TRIM15: variants seen among roughly 807,000 people sequenced by gnomAD.
TRIM15 encodes E3 ubiquitin-protein ligase TRIM15.
Under a neutral mutation model 35.8 loss-of-function variants are expected in TRIM15, and 35 were observed. That is an observed-to-expected ratio of 0.98 (90% CI 0.75 to 1.30). The LOEUF is 1.30. Ranked by LOEUF, TRIM15 falls within the 50% of genes most tolerant of loss-of-function variation. The probability of loss-of-function intolerance (pLI) is 0.00; values close to 1 mark genes in which losing one functional copy is unlikely to be tolerated. For missense variants in TRIM15, 590 were observed against 593.5 expected (o/e 0.99, Z 0.06); for synonymous variants, 252 against 249.8 (o/e 1.01, Z -0.08).
intron 5 of TRIM15, 57 bp from the exon 6 acceptor site, chr6:30,170,919 G>A (rs1379469969): frequency 3.0e-5 from 47 of 1,579,908 alleles, no homozygotes; most frequent in Non-Finnish European, 3.9e-5. Flanking sequence ...TGCCCCTGGG[G>A]GTGCCTATAA....
rs1774054954 is a variant in TRIM15 at position 30,171,986 on chromosome 6, C to T, written c.1035C>T (p.Ser345=). 1.3e-6 allele frequency: 2 copies of T among 1,584,010 alleles called. No individual in the cohort carries two copies. The highest frequency in any genetic ancestry group is 1.8e-5 in the Admixed American group (1 of 56,338). The part of the protein sequence containing the change: ...LPAVLGFPGF[S]SGRHRWQVDL... ...CGGTTCTGGGCTTCCCGGGCTTCTCCTCCGGGCGCCACCGCTGGCAGGTTG... is the reference window on the plus strand; with the variant it reads ...CGGTTCTGGGCTTCCCGGGCTTCTCTTCCGGGCGCCACCGCTGGCAGGTTG... The change falls in exon 7 of 7, where the codon TCC becomes TCT. Residue 345 remains serine, a synonymous_variant. Transcript: ENST00000376694.
chr6:30,164,237 G>A (rs1438279309), intron 1 of TRIM15, among the ~76,000 whole-genome samples, 172 bp downstream of exon 1: 1 of 152,196 alleles, frequency 6.6e-6, no homozygotes, highest in Non-Finnish European at 1.5e-5. Flanking sequence ...CCACTTGGAT[G>A]TGTGGTAGTT....
Position 30,172,370 on chromosome 6 carries a change from G to A in TRIM15, c.*21G>A. On this transcript the variant is annotated 3_prime_UTR_variant, in exon 7 of 7. Transcript: ENST00000376694. The stretch of plus-strand genomic sequence containing the variant: ...GCTGAAGTGGGGCGCGCGAAGGGCG[G>A]CGAAGCGGAGACGGCGGCTCTCCGG... The A allele has an allele frequency of 6.4e-7, 1 of 1,573,350 alleles. No homozygotes were observed.
In TRIM15 at chr6:30,163,732, T is replaced by C. The variant is rs759362056; in HGVS notation, c.48T>C (p.Cys16=). 13 of 1,612,820 alleles carry C rather than the reference T, an allele frequency of 8.1e-6. No individual in the cohort carries two copies. The African/African-American group carries it at 9.3e-5, about 12-fold the overall frequency. The change falls in exon 1 of 7, where the codon TGT becomes TGC. Residue 16 remains cysteine, a synonymous_variant. Coordinates refer to ENST00000376694, the MANE Select transcript of TRIM15 (RefSeq NM_033229.3). ...AGGTGGTCCATGAGCTGCCTGCCTG[T>C]ACCCTCTGTGCGGGGCCGCTGGAGG... ...SLKVVHELPA[C]TLCAGPLEDA...
At chr6:30,167,033 G>T in intron 1 of TRIM15, 143 bp from the exon 2 acceptor site, 1 of 630,142 alleles carries the variant, frequency 1.6e-6, no homozygotes. Flanking sequence ...TCCTGAGATG[G>T]TGGTCTCTTT....
intron 3 of TRIM15, 92 bp downstream of exon 3, chr6:30,168,622 A>G (rs1156515917): frequency 1.6e-6 from 2 of 1,230,336 alleles, no homozygotes; most frequent in Non-Finnish European, 2.3e-6. Flanking sequence ...GAGGCAGGAA[A>G]GGGAAGTGGA....
chr6:30,168,549 C>G lies in TRIM15; in HGVS notation c.708+19C>G. 6.4e-7 allele frequency: 1 copy of G among 1,562,332 alleles called. No homozygotes were observed. The highest frequency in any genetic ancestry group is 8.7e-7 in the Non-Finnish European group (1 of 1,151,534). ...TCTACAAGTGAGAGACACTTCACCA[C>G]TTTGTAGGATAAGAGAGGGACTCCA... is the stretch of plus-strand genomic sequence containing the variant. On this transcript the variant is annotated intron_variant, in intron 3 of 6. Transcript: ENST00000376694.
chr6:30,168,630 G>C lies in TRIM15; in HGVS notation c.708+100G>C, dbSNP rs112242861. 412 of 1,161,924 alleles carry C rather than the reference G, an allele frequency of 3.5e-4. No homozygotes were observed. The African/African-American group carries it at 3.9e-3, about 11-fold the overall frequency. 72.0% of individuals were successfully genotyped at this position (1,161,924 alleles called of 1,614,324 possible). A position where few individuals can be genotyped will look rare whatever the true frequency, so the allele number is the denominator to read the frequency against. ...CTGGAGAGAGGCAGGAAAGGGAAGT[G>C]GAGAGAGGTTAACGGGGTGCAGATC... On this transcript the variant is annotated intron_variant, in intron 3 of 6. Coordinates refer to ENST00000376694, the MANE Select transcript of TRIM15 (RefSeq NM_033229.3).
In TRIM15 at chr6:30,172,091, C is replaced by G; in HGVS notation, c.1140C>G (p.Leu380=). The G allele has an allele frequency of 6.3e-7, 1 of 1,576,754 alleles. No homozygotes were observed. The highest frequency in any genetic ancestry group is 8.6e-7 in the Non-Finnish European group (1 of 1,161,698). ...TGAGGAGGAAGGGAGAGATGGGACTCAGCGCCGAGGACGGCGTCTGGGCCG... is the reference window on the plus strand; with the variant it reads ...TGAGGAGGAAGGGAGAGATGGGACTGAGCGCCGAGGACGGCGTCTGGGCCG... ...EGVRRKGEMG[L]SAEDGVWAVI... The change falls in exon 7 of 7, where the codon CTC becomes CTG. Residue 380 remains leucine, a synonymous_variant. Coordinates refer to ENST00000376694, the MANE Select transcript of TRIM15 (RefSeq NM_033229.3).
In TRIM15 at chr6:30,172,478, C is replaced by A; in HGVS notation, c.*129C>A. On this transcript the variant is annotated 3_prime_UTR_variant, in exon 7 of 7. Coordinates refer to ENST00000376694, the MANE Select transcript of TRIM15 (RefSeq NM_033229.3). The stretch of plus-strand genomic sequence containing the variant: ...GCGAGAGAACAGGGGACTTGAGTCT[C>A]GAACAGCGGTTGTTTTTACTTTATT... The A allele has an allele frequency of 7.4e-7, 1 of 1,349,454 alleles. No homozygotes were observed. The highest frequency in any genetic ancestry group is 1.0e-6 in the Non-Finnish European group (1 of 985,654). 83.6% of individuals were successfully genotyped at this position (1,349,454 alleles called of 1,614,324 possible).
Position 30,163,836 on chromosome 6 carries a change from C to T in TRIM15, c.152C>T (p.Ser51Leu), listed in dbSNP as rs939685910. ...PALSQMGAQS[S>L]GKILLCPLCQ... ...CTCTCCCAGATGGGGGCCCAATCCT[C>T]GGGCAAGATCCTGCTCTGCCCGCTC... The change falls in exon 1 of 7, where the codon TCG (serine) becomes TTG (leucine). Residue 51 changes from serine to leucine, a missense_variant. Physicochemically the swap from Ser to Leu is moderately radical, Grantham distance 145. Coordinates refer to ENST00000376694, the MANE Select transcript of TRIM15 (RefSeq NM_033229.3). 6.2e-6 allele frequency: 10 copies of T among 1,613,048 alleles called. No homozygotes were observed. Among genetic ancestry groups the T allele is most frequent in the Non-Finnish European group, 8.5e-6 (10 of 1,180,038 alleles).
rs748221600 is a variant in TRIM15, at chr6:30,170,505, G to A, written c.736G>A (p.Glu246Lys). 2.5e-6 allele frequency: 4 copies of A among 1,613,000 alleles called. No homozygotes were observed. The highest frequency in any genetic ancestry group is 3.4e-6 in the Non-Finnish European group (4 of 1,179,188). Residue 246 changes from glutamate to lysine, a missense_variant, in exon 5 of 7, where the codon GAG becomes AAG. Transcript: ENST00000376694. Reference protein sequence around the residue: ...QDVRVNQSRCEMKTFVSPEAI... With the variant: ...QDVRVNQSRCKMKTFVSPEAI... The stretch of plus-strand genomic sequence containing the variant: ...GGTTACCAAACCTGTCTGCAGGTGT[G>A]AGATGAAGACTTTTGTGAGTCCTGA...
chr6:30,169,283 C>T lies in TRIM15; in HGVS notation c.731+20C>T. On this transcript the variant is annotated intron_variant, in intron 4 of 6. Transcript: ENST00000376694. ...GAGCAGGTAGGGCCCACTCCCCGGT[C>T]CTGCCTCCTTTTACTCAACATCAAG... 6.2e-7 allele frequency: 1 copy of T among 1,613,102 alleles called. No homozygotes were observed. The highest frequency in any genetic ancestry group is 8.5e-7 in the Non-Finnish European group (1 of 1,180,006).
chr6:30,167,268 G>T lies in TRIM15; in HGVS notation c.474G>T (p.Leu158=), dbSNP rs1221374994. The part of the protein sequence containing the change: ...KCQEDQKLQV[L]LTQIESKKHQ... ...AAGAAGACCAGAAGCTTCAAGTGCT[G>T]CTGGTACAGGCCACGTCACTGGCTA... The change falls in exon 2 of 7, where the codon CTG becomes CTT. Residue 158 remains leucine (L), a synonymous_variant. Transcript: ENST00000376694. 4.3e-6 allele frequency: 7 copies of T among 1,611,038 alleles called. No homozygotes were observed. Among genetic ancestry groups the T allele is most frequent in the Non-Finnish European group, 5.9e-6 (7 of 1,178,276 alleles).
At chr6:30,169,633 T>A (rs1773870851) in intron 4 of TRIM15, 1 of 457,880 alleles carries the variant, frequency 2.2e-6, no homozygotes, top group African/African-American at 2.0e-5. Flanking sequence ...TAGACTATGA[T>A]AAGCATGGAA....
chr6:30,172,244 C>A lies in TRIM15; in HGVS notation c.1293C>A (p.Ala431=). Residue 431 remains alanine, a synonymous_variant, in exon 7 of 7, where the codon GCC becomes GCA. Transcript: ENST00000376694. ...CGGGGCAGGTGACCCTCCACAACGCCCAGACCCAGGAGCCCATCTTCACCT... is the reference window on the plus strand; with the variant it reads ...CGGGGCAGGTGACCCTCCACAACGCACAGACCCAGGAGCCCATCTTCACCT... ...YEAGQVTLHN[A]QTQEPIFTFT... is the part of the protein sequence containing the mutation. 1 of 1,612,748 alleles carries A rather than the reference C, an allele frequency of 6.2e-7. No individual in the cohort carries two copies. Among genetic ancestry groups the A allele is most frequent in the Non-Finnish European group, 8.5e-7 (1 of 1,179,906 alleles).
Position 30,167,165 on chromosome 6 carries a change from T to G in TRIM15, c.382-11T>G. The G allele has an allele frequency of 1.9e-6, 3 of 1,609,872 alleles. No homozygotes were observed. The highest frequency in any genetic ancestry group is 2.5e-6 in the Non-Finnish European group (3 of 1,177,262). ...TCAGTCACCTCTATCCACCCATTCT[T>G]CTCCCCACAGGATCGTCTCAGGAGT... On this transcript the variant is annotated splice_polypyrimidine_tract_variant and intron_variant, in intron 1 of 6. Transcript: ENST00000376694.
intron 3 of TRIM15, 119 bp from the exon 4 acceptor site, chr6:30,169,122 G>A (rs1773831055): frequency 1.7e-6 from 2 of 1,200,334 alleles, no homozygotes; most frequent in Non-Finnish European, 2.5e-6. Flanking sequence ...AATTAAACAG[G>A]ACAACTCTCT....
At chr6:30,165,840 T>C (rs1375490557) in intron 1 of TRIM15, among the ~76,000 whole-genome samples, 1 of 152,264 alleles carries the variant, frequency 6.6e-6, no homozygotes, top group Non-Finnish European at 1.5e-5. Flanking sequence ...GATTTGCATT[T>C]CTCTAATGAC....
Sources: gnomAD v4.1 joint callset for allele counts (sites outside exome capture counted in the v4.1 genomes callset) on GRCh38, gnomAD v4.1.1 for gene constraint, MANE v1.5 for transcripts, NCBI Gene and HGNC (gene_info 2026-07-23, HGNC 2026-07-21) for gene names.